AGL: variants seen among roughly 807,000 people sequenced by gnomAD.
AGL encodes amylo-alpha-1,6-glucosidase and 4-alpha-glucanotransferase.
A neutral mutation model predicts 199.3 loss-of-function variants in AGL; 128 were observed. That is an observed-to-expected ratio of 0.64 (90% CI 0.56 to 0.74). The LOEUF (loss-of-function observed/expected upper bound fraction) is 0.74. Among genes scored for constraint, AGL ranks in the 30% least tolerant of loss-of-function variants. The pLI, the probability that AGL is intolerant of heterozygous loss-of-function variation, is 0.00. For missense variants in AGL, 1,809 were observed against 1,820.8 expected (o/e 0.99, Z 0.12); for synonymous variants, 584 against 594.7 (o/e 0.98, Z 0.26).
At chr1:99,915,003 C>G (rs766891151) in intron 30 of AGL, among the ~76,000 whole-genome samples, 2 of 152,056 alleles carry the variant, frequency 1.3e-5, no homozygotes, top group Non-Finnish European at 2.9e-5. Flanking sequence ...TCGCTTGAGC[C>G]CAGGAGATTG....
At chr1:99,853,956 G>A (rs1027005447) in intron 2 of AGL, among the ~76,000 whole-genome samples, 18 of 152,014 alleles carry the variant, frequency 1.2e-4, no homozygotes, top group African/African-American at 4.4e-4. Context: ...TTGGGAGGCC[G>A]AGGCATGTGG....
rs566536762 is a variant in AGL at position 99,916,662 on chromosome 1, C to A, written c.4412C>A (p.Pro1471Gln). Residue 1471 changes from proline (P) to glutamine (Q), a missense_variant, in exon 33 of 34, where the codon CCG (proline) becomes CAG (glutamine). Pro to Gln is a moderately conservative substitution (Grantham distance 76). Transcript: ENST00000361915. ...AKLYFSRLMG[P>Q]ETTAKTIVLV... The stretch of plus-strand genomic sequence containing the variant: ...TTATATTTTTCCAGATTGATGGGCC[C>A]GGAGACTACTGCAAAGACTATAGTT... 3 of 1,612,792 alleles carry A rather than the reference C, an allele frequency of 1.9e-6. No individual in the cohort carries two copies. The highest frequency in any genetic ancestry group is 2.7e-5 in the African/African-American group (2 of 74,886).
intron 6 of AGL, 28 bp downstream of exon 6, chr1:99,870,609 T>C: frequency 1.9e-6 from 3 of 1,612,026 alleles, no homozygotes; most frequent in Non-Finnish European, 2.5e-6. Flanking sequence ...AGTATCACAC[T>C]AAAACAGAAA....
Position 99,917,360 on chromosome 1 carries a change from C to T in AGL, c.4481+629C>T, listed in dbSNP as rs113011526. On this transcript the variant is annotated intron_variant, in intron 33 of 33. Coordinates refer to ENST00000361915, the MANE Select transcript of AGL (RefSeq NM_000642.3). ...CTTACAAGCACATAAGGGACTTCTG[C>T]GTGTTTCATATTAATAGAGCCACTC... is the stretch of plus-strand genomic sequence containing the variant. Among the ~76,000 whole-genome samples the T allele has an allele frequency of 7.9e-5, 12 of 152,144 alleles. 1 individual carries two copies. The highest frequency in any genetic ancestry group is 2.6e-4 in the African/African-American group (11 of 41,536).
At chr1:99,913,801 A>C (rs1654924553) in intron 30 of AGL, 63 bp downstream of exon 30, 2 of 1,489,344 alleles carry the variant, frequency 1.3e-6, no homozygotes, top group Admixed American at 3.3e-5. Context: ...TTAGTTCCTT[A>C]TTCCCATTTG....
chr1:99,859,788 C>T (rs929898251), intron 2 of AGL, among the ~76,000 whole-genome samples: 5 of 152,262 alleles, frequency 3.3e-5, no homozygotes, highest in African/African-American at 7.2e-5. Flanking sequence ...GTGATCCTCT[C>T]GCCTCGGCCT....
At chr1:99,862,898 T>G (rs1650176066) in intron 4 of AGL, among the ~76,000 whole-genome samples, 1 of 152,142 alleles carries the variant, frequency 6.6e-6, no homozygotes, top group Admixed American at 6.5e-5. Context: ...TATGTTTAAT[T>G]TTGTTTCTTA....
At chr1:99,909,257 C>A (rs920922282) in intron 27 of AGL, among the ~76,000 whole-genome samples, 1 of 152,122 alleles carries the variant, frequency 6.6e-6, no homozygotes, top group Admixed American at 6.5e-5. Flanking sequence ...GGGAAACACC[C>A]TGAGCTGCCT....
Position 99,922,287 on chromosome 1 carries a change from A to C in AGL, c.*636A>C, listed in dbSNP as rs1442238789. Reference sequence around the variant, plus strand: ...ACTTATGTGAGGAAACATGCAAAGCATTAGGAAATTTATTTCCTAAAAACA... The same window carrying C: ...ACTTATGTGAGGAAACATGCAAAGCCTTAGGAAATTTATTTCCTAAAAACA... On this transcript the variant is annotated 3_prime_UTR_variant, in exon 34 of 34. Transcript: ENST00000361915. 8 of 152,012 alleles carry C rather than the reference A, an allele frequency of 5.3e-5. No homozygotes were observed. The highest frequency in any genetic ancestry group is 2.6e-4 in the Admixed American group (4 of 15,280). The allele number at this position is 152,012 out of a possible 1,614,324, so 9.4% of individuals were successfully genotyped here.
chr1:99,881,621 A>G lies in AGL; in HGVS notation c.2238A>G (p.Val746=), dbSNP rs1487514991. 2.5e-6 allele frequency: 4 copies of G among 1,614,036 alleles called. No individual in the cohort carries two copies. Among genetic ancestry groups the G allele is most frequent in the Non-Finnish European group, 3.4e-6 (4 of 1,179,956 alleles). The change falls in exon 17 of 34, where the codon GTA becomes GTG. Residue 746 remains valine, a synonymous_variant. Coordinates refer to ENST00000361915, the MANE Select transcript of AGL (RefSeq NM_000642.3). ...SPSIHQSVVA[V]SRTAFRNPKT... is the part of the protein sequence containing the mutation. Reference sequence around the variant, plus strand: ...GCATCCATCAGTCTGTTGTGGCTGTATCTAGAACTGCTTTCAGGAATCCCA... The same window carrying G: ...GCATCCATCAGTCTGTTGTGGCTGTGTCTAGAACTGCTTTCAGGAATCCCA...
intron 5 of AGL, among the ~76,000 whole-genome samples, chr1:99,868,823 C>CT: frequency 8.5e-6 from 1 of 117,790 alleles, no homozygotes; most frequent in Non-Finnish European, 1.9e-5. Flanking sequence ...TTGGTATTTA[C>CT]TCTTTTTTTT....
intron 10 of AGL, among the ~76,000 whole-genome samples, chr1:99,876,075 A>G (rs112310661): frequency 2.0e-5 from 3 of 152,200 alleles, no homozygotes; most frequent in African/African-American, 4.8e-5. Flanking sequence ...GGGTTTCCCC[A>G]TGTTGGCCAG....
Position 99,870,406 on chromosome 1 carries a change from A to T in AGL, c.671A>T (p.Asn224Ile). 1 of 1,613,926 alleles carries T rather than the reference A, an allele frequency of 6.2e-7. No homozygotes were observed. The highest frequency in any genetic ancestry group is 8.5e-7 in the Non-Finnish European group (1 of 1,179,888). The change falls in exon 6 of 34, where the codon AAT becomes ATT. Residue 224 changes from asparagine (N) to isoleucine (I), a missense_variant. Asn to Ile is a moderately radical substitution (Grantham distance 149, BLOSUM62 -3). Coordinates refer to ENST00000361915, the MANE Select transcript of AGL (RefSeq NM_000642.3). ...TDVVYNHTAA[N>I]SKWIQEHPEC... is the part of the protein sequence containing the mutation. ...TGTCTCCTTTTTCCTTCAGCTGCTA[A>T]TAGTAAATGGATCCAGGAACATCCA...
chr1:99,908,574 T>TA (rs1406691748), intron 27 of AGL, among the ~76,000 whole-genome samples: 3 of 152,236 alleles, frequency 2.0e-5, no homozygotes, highest in Non-Finnish European at 4.4e-5. Flanking sequence ...ATTTTTATGA[T>TA]ACCTCCCTTA....
chr1:99,878,037 C>T (rs1279697855), intron 12 of AGL, among the ~76,000 whole-genome samples: 1 of 152,142 alleles, frequency 6.6e-6, no homozygotes, highest in Non-Finnish European at 1.5e-5. Flanking sequence ...AAATATTTAA[C>T]TAGCTAATTT....
At chr1:99,858,343 A>G (rs1448752167) in intron 2 of AGL, among the ~76,000 whole-genome samples, 2 of 152,240 alleles carry the variant, frequency 1.3e-5, no homozygotes, top group African/African-American at 2.4e-5. Context: ...TGAGTGAGAA[A>G]GTTAAGTGCT....
intron 25 of AGL, among the ~76,000 whole-genome samples, chr1:99,899,015 C>T (rs1025418088): frequency 4.6e-5 from 7 of 151,966 alleles, no homozygotes; most frequent in Non-Finnish European, 1.0e-4. Flanking sequence ...GAGCCTGAGG[C>T]GGGCAGATTG....
chr1:99,852,784 G>A (rs561835877), intron 2 of AGL: 2 of 772,860 alleles, frequency 2.6e-6, no homozygotes, highest in Non-Finnish European at 4.8e-6. Flanking sequence ...AATTTTTTGT[G>A]ATAAAGCCCT....
intron 20 of AGL, among the ~76,000 whole-genome samples, chr1:99,886,571 G>T (rs2100774845): frequency 6.6e-6 from 1 of 152,218 alleles, no homozygotes; most frequent in Non-Finnish European, 1.5e-5. Context: ...AAACACAATA[G>T]TTTTTGACAC....
Sources: gnomAD v4.1 joint callset for allele counts (sites outside exome capture counted in the v4.1 genomes callset) on GRCh38, gnomAD v4.1.1 for gene constraint, MANE v1.5 for transcripts, NCBI Gene and HGNC (gene_info 2026-07-23, HGNC 2026-07-21) for gene names.